The following MTAP variants were observed in gnomAD, a reference collection of about 807,000 sequenced individuals.
The protein encoded by MTAP is methylthioadenosine phosphorylase, also known as S-methyl-5'-thioadenosine phosphorylase.
In MTAP, 33 loss-of-function variants were observed where a neutral mutation model predicts 33.6. That is an observed-to-expected ratio of 0.98 (90% CI 0.74 to 1.31). MTAP has a LOEUF of 1.31. Ranked by LOEUF, MTAP falls within the 40% of genes most tolerant of loss-of-function variation. The probability of loss-of-function intolerance (pLI) is 0.00; values close to 1 mark genes in which losing one functional copy is unlikely to be tolerated. For missense variants in MTAP, 367 were observed against 360.0 expected (o/e 1.02, Z -0.16); for synonymous variants, 148 against 125.7 (o/e 1.18, Z -1.19).
intron 1 of MTAP, among the ~76,000 whole-genome samples, chr9:21,891,014 C>T (rs894032561): frequency 1.3e-5 from 2 of 152,142 alleles, no homozygotes; most frequent in African/African-American, 2.4e-5. Flanking sequence ...TGCCGTGAGA[C>T]TTTGATGTTG....
At chr9:21,909,935 G>T (rs1033959896) in intron 1 of MTAP, among the ~76,000 whole-genome samples, 2 of 152,150 alleles carry the variant, frequency 1.3e-5, no homozygotes, top group African/African-American at 4.8e-5. Flanking sequence ...CATACAGTCT[G>T]TCTTTGATTC....
chr9:21,936,866 A>T (rs1403417065), exon 8 of MTAP: 2 of 152,218 alleles, frequency 1.3e-5, no homozygotes, highest in African/African-American at 4.8e-5. Flanking sequence ...GCCATAAGGT[A>T]TAAGGATGTG....
chr9:21,915,249 C>A (rs570489860), intron 1 of MTAP, among the ~76,000 whole-genome samples: 1 of 151,218 alleles, frequency 6.6e-6, no homozygotes. Context: ...CCACCACGCC[C>A]GGCTAATTTT....
intron 1 of MTAP, among the ~76,000 whole-genome samples, chr9:21,885,046 A>T (rs1818087700): frequency 6.6e-6 from 1 of 152,078 alleles, no homozygotes; most frequent in South Asian, 2.1e-4. Context: ...GAACTATCTC[A>T]ATGTGATGAT....
chr9:21,848,342 C>A (rs577239449), intron 5 of MTAP, among the ~76,000 whole-genome samples: 1 of 152,030 alleles, frequency 6.6e-6, no homozygotes, highest in Admixed American at 6.6e-5. Context: ...AAACAGAAAT[C>A]TGGAGAACAG....
chr9:21,867,400 C>T (rs879228726), downstream of MTAP, among the ~76,000 whole-genome samples: 10 of 152,064 alleles, frequency 6.6e-5, no homozygotes, highest in Admixed American at 6.6e-4. Flanking sequence ...TTGAATTTCA[C>T]CAAGTACTTT....
At chr9:21,924,372 A>G (rs572627805) in intron 1 of MTAP, among the ~76,000 whole-genome samples, 2 of 152,346 alleles carry the variant, frequency 1.3e-5, no homozygotes, top group African/African-American at 2.4e-5. Flanking sequence ...ATTTTTCTGT[A>G]TCACAGCCTG....
chr9:21,845,116 C>G (rs1358286556), intron 5 of MTAP, among the ~76,000 whole-genome samples: 1 of 151,716 alleles, frequency 6.6e-6, no homozygotes, highest in Admixed American at 6.6e-5. Context: ...CCTCTGAGAA[C>G]TGAAACAAGA....
intron 5 of MTAP, among the ~76,000 whole-genome samples, chr9:21,847,288 C>G (rs1489442497): frequency 6.6e-6 from 1 of 152,082 alleles, no homozygotes. Context: ...TCTATCTGTC[C>G]CATTAGTTCT....
chr9:21,861,137 A>T (rs898838876), intron 7 of MTAP: 1 of 152,144 alleles, frequency 6.6e-6, no homozygotes, highest in Non-Finnish European at 1.5e-5. Context: ...TTAATTTCTC[A>T]AATAATATAT....
intron 1 of MTAP, among the ~76,000 whole-genome samples, chr9:21,903,902 G>T (rs1818430921): frequency 6.6e-6 from 1 of 152,196 alleles, no homozygotes. Flanking sequence ...AGCTCAAGTA[G>T]ACCCCCTTTC....
intron 1 of MTAP, among the ~76,000 whole-genome samples, chr9:21,920,957 C>T (rs916275670): frequency 6.6e-6 from 1 of 152,128 alleles, no homozygotes; most frequent in African/African-American, 2.4e-5. Context: ...TACCACTTCT[C>T]CCATTTTTTT....
At chr9:21,833,882 C>A (rs542148852) in intron 4 of MTAP, among the ~76,000 whole-genome samples, 7 of 152,332 alleles carry the variant, frequency 4.6e-5, no homozygotes, top group Admixed American at 3.3e-4. Context: ...ACCAGTCAGT[C>A]TATTTCTAGG....
chr9:21,937,947 G>C (rs557462406), downstream of MTAP, among the ~76,000 whole-genome samples: 3 of 152,132 alleles, frequency 2.0e-5, no homozygotes, highest in Admixed American at 6.5e-5. Context: ...TGAGACCAGC[G>C]TGAGTAACAT....
At chr9:21,882,238 A>G (rs1259235436) in intron 1 of MTAP, among the ~76,000 whole-genome samples, 2 of 152,018 alleles carry the variant, frequency 1.3e-5, no homozygotes, top group African/African-American at 4.8e-5. Context: ...CTGTAAAGGA[A>G]GGAAAACCTT....
chr9:21,818,316 G>GTTTTT, intron 4 of MTAP, 114 bp downstream of exon 4: 2 of 235,100 alleles, frequency 8.5e-6, no homozygotes, highest in Admixed American at 8.7e-5. Flanking sequence ...AGACTCGCTT[G>GTTTTT]CTTTTTTTTT....
At chr9:21,829,775 C>T (rs1159738762) in intron 4 of MTAP, among the ~76,000 whole-genome samples, 1 of 152,116 alleles carries the variant, frequency 6.6e-6, no homozygotes, top group African/African-American at 2.4e-5. Context: ...GGCGGGGGGA[C>T]CAACCTCAGA....
In MTAP at chr9:21,841,072, A is replaced by G. The variant is rs114187318; in HGVS notation, c.450+3062A>G. Reference sequence around the variant, plus strand: ...CCTGACAAACCACCCCCATCCCCCAATTTCCCACAGTGTCTGCAGCAAGCC... The same window carrying G: ...CCTGACAAACCACCCCCATCCCCCAGTTTCCCACAGTGTCTGCAGCAAGCC... On this transcript the variant is annotated intron_variant, in intron 5 of 7. Transcript: ENST00000644715. Among the ~76,000 whole-genome samples the G allele has an allele frequency of 6.9e-3, 1,049 of 152,218 alleles. 8 individuals are homozygous for G. The highest frequency in any genetic ancestry group is 0.024 in the African/African-American group (984 of 41,536).
At chr9:21,938,903 A>G (rs2131060360), downstream of MTAP, among the ~76,000 whole-genome samples, 1 of 152,340 alleles carries the variant, frequency 6.6e-6, no homozygotes, top group East Asian at 1.9e-4. Flanking sequence ...CTAAATTTAT[A>G]AAATTGCTAA....
Sources: gnomAD v4.1 joint callset for allele counts (sites outside exome capture counted in the v4.1 genomes callset) on GRCh38, gnomAD v4.1.1 for gene constraint, MANE v1.5 for transcripts, NCBI Gene and HGNC (gene_info 2026-07-23, HGNC 2026-07-21) for gene names.